DNAH14: variants seen among roughly 807,000 people sequenced by gnomAD.
The protein encoded by DNAH14 is dynein axonemal heavy chain 14.
Under a neutral mutation model 520.9 loss-of-function variants are expected in DNAH14, and 478 were observed. The observed-to-expected ratio is 0.92, with a 90% confidence interval of 0.85 to 0.99. DNAH14 has a LOEUF of 0.99. Among genes scored for constraint, DNAH14 ranks in the 50% least tolerant of loss-of-function variants. DNAH14 has a pLI of 0.00. For missense variants in DNAH14, 4,831 were observed against 5,234.5 expected (o/e 0.92, Z 2.38); for synonymous variants, 1,581 against 1,757.2 (o/e 0.90, Z 2.51).
rs895015930 is a variant in DNAH14 at position 225,044,046 on chromosome 1, A to G, written c.1912+63A>G. Reference sequence around the variant, plus strand: ...CTTTGGCAATATTTTTTTAAATTTAAGCATCTGATGCCTTTACCCAGGGAT... The same window carrying G: ...CTTTGGCAATATTTTTTTAAATTTAGGCATCTGATGCCTTTACCCAGGGAT... On this transcript the variant is annotated intron_variant, in intron 15 of 85. Coordinates refer to ENST00000682510, the MANE Select transcript of DNAH14 (RefSeq NM_001367479.1). 3 of 964,710 alleles carry G rather than the reference A, an allele frequency of 3.1e-6. No homozygotes were observed. The Admixed American group carries it at 8.4e-5, about 27-fold the overall frequency. 59.8% of individuals were successfully genotyped at this position (964,710 alleles called of 1,614,324 possible).
chr1:225,089,754 A>T (rs1048146215), intron 21 of DNAH14, among the ~76,000 whole-genome samples: 31 of 152,270 alleles, frequency 2.0e-4, no homozygotes, highest in South Asian at 6.2e-4. Flanking sequence ...ATTTTAAAAA[A>T]TTTTTTACAG....
intron 27 of DNAH14, among the ~76,000 whole-genome samples, chr1:225,129,439 A>G (rs1296266170): frequency 6.6e-6 from 1 of 150,484 alleles, no homozygotes; most frequent in Non-Finnish European, 1.5e-5. Flanking sequence ...TACAGTAACC[A>G]AAACAGCATG....
At chr1:224,966,238 T>G (rs1201830157) in intron 5 of DNAH14, among the ~76,000 whole-genome samples, 1 of 152,072 alleles carries the variant, frequency 6.6e-6, no homozygotes, top group African/African-American at 2.4e-5. Context: ...GTGAAACAGC[T>G]AAAATAATTG....
At chr1:225,177,595 A>C (rs1322181874) in intron 36 of DNAH14, among the ~76,000 whole-genome samples, 1 of 152,076 alleles carries the variant, frequency 6.6e-6, no homozygotes, top group Non-Finnish European at 1.5e-5. Context: ...TGCTGTATGC[A>C]GCCTGAAAGG....
intron 10 of DNAH14, among the ~76,000 whole-genome samples, chr1:225,015,253 TC>T (rs1349967187): frequency 6.6e-6 from 1 of 152,190 alleles, no homozygotes; most frequent in African/African-American, 2.4e-5. Flanking sequence ...ACTCAGCCAG[TC>T]CATGTCTTTT....
chr1:225,275,680 G>A (rs1341373702), intron 52 of DNAH14, among the ~76,000 whole-genome samples: 1 of 152,072 alleles, frequency 6.6e-6, no homozygotes, highest in Non-Finnish European at 1.5e-5. Context: ...GGGGTTTTTG[G>A]TAACCCTTAT....
intron 7 of DNAH14, among the ~76,000 whole-genome samples, chr1:224,972,757 G>A (rs962788258): frequency 1.3e-5 from 2 of 152,056 alleles, no homozygotes; most frequent in African/African-American, 4.8e-5. Context: ...GAGCCACCGC[G>A]CTTGGCCAAT....
chr1:225,193,541 A>G (rs1371562751), intron 38 of DNAH14, among the ~76,000 whole-genome samples: 1 of 152,054 alleles, frequency 6.6e-6, no homozygotes, highest in African/African-American at 2.4e-5. Flanking sequence ...AAGAATAAAT[A>G]TTAAAACTAA....
intron 55 of DNAH14, among the ~76,000 whole-genome samples, chr1:225,294,313 T>C (rs903272928): frequency 6.6e-6 from 1 of 152,200 alleles, no homozygotes; most frequent in African/African-American, 2.4e-5. Flanking sequence ...TATTATCTTT[T>C]TGATGTGTTG....
At chr1:224,951,768 C>T (rs956896614) in intron 1 of DNAH14, among the ~76,000 whole-genome samples, 5 of 151,552 alleles carry the variant, frequency 3.3e-5, no homozygotes, top group Non-Finnish European at 5.9e-5. Context: ...CTCCTGCCTC[C>T]GCCTCCCGAG....
At chr1:225,161,310 A>G (rs1000803726) in intron 35 of DNAH14, among the ~76,000 whole-genome samples, 2 of 152,186 alleles carry the variant, frequency 1.3e-5, no homozygotes, top group Non-Finnish European at 2.9e-5. Context: ...ACTTAACATA[A>G]TGACCGGTTC....
chr1:225,196,854 GGA>G (rs1334679748), intron 38 of DNAH14, among the ~76,000 whole-genome samples: 1 of 100,938 alleles, frequency 9.9e-6, no homozygotes, highest in Non-Finnish European at 2.0e-5. Flanking sequence ...CTTATTGATG[GGA>G]TTGGTTGTTT....
At chr1:225,175,259 G>A (rs2083185584) in intron 36 of DNAH14, among the ~76,000 whole-genome samples, 1 of 152,094 alleles carries the variant, frequency 6.6e-6, no homozygotes, top group African/African-American at 2.4e-5. Flanking sequence ...TAAAAGTTTG[G>A]TAGAATTCAG....
At chr1:225,080,254 G>A in intron 18 of DNAH14, 125 bp from the exon 19 acceptor site, 1 of 978,844 alleles carries the variant, frequency 1.0e-6, no homozygotes, top group South Asian at 2.1e-5. Flanking sequence ...GGTAATGATA[G>A]TTCCAGTTTC....
In DNAH14 at chr1:225,051,747, C is replaced by T. The variant is rs1295502142; in HGVS notation, c.2376C>T (p.His792=). Residue 792 remains histidine, a synonymous_variant, in exon 17 of 86, where the codon CAC becomes CAT. Transcript: ENST00000682510. ...LYIDNVIHMS[H]TLIQSVIEKK... ...TTGACAACGTCATACATATGAGCCACACCCTCATACAATCTGTAATTGAAA... is the reference window on the plus strand; with the variant it reads ...TTGACAACGTCATACATATGAGCCATACCCTCATACAATCTGTAATTGAAA... 6 of 1,529,030 alleles carry T rather than the reference C, an allele frequency of 3.9e-6. No individual in the cohort carries two copies. Among genetic ancestry groups the T allele is most frequent in the Non-Finnish European group, 5.3e-6 (6 of 1,139,250 alleles). The allele number at this position is 1,529,030 out of a possible 1,614,324, so 94.7% of individuals were successfully genotyped here. A position where few individuals can be genotyped will look rare whatever the true frequency, so the allele number is the denominator to read the frequency against.
intron 64 of DNAH14, among the ~76,000 whole-genome samples, chr1:225,325,111 T>C (rs1309722074): frequency 6.6e-6 from 1 of 152,004 alleles, no homozygotes; most frequent in Non-Finnish European, 1.5e-5. Flanking sequence ...CGGAAGATCT[T>C]TACAACTTCA....
intron 10 of DNAH14, among the ~76,000 whole-genome samples, chr1:225,021,507 CTG>C (rs2065690614): frequency 6.6e-6 from 1 of 152,078 alleles, no homozygotes; most frequent in African/African-American, 2.4e-5. Context: ...AACATCCAAA[CTG>C]AGAGCCAAAT....
chr1:225,208,640 C>T (rs1003798159), intron 41 of DNAH14, among the ~76,000 whole-genome samples: 1 of 152,012 alleles, frequency 6.6e-6, no homozygotes, highest in Non-Finnish European at 1.5e-5. Flanking sequence ...CCTAGGAGTT[C>T]AGAGAATTAG....
intron 81 of DNAH14, among the ~76,000 whole-genome samples, chr1:225,385,317 A>G (rs1032254610): frequency 6.6e-6 from 1 of 152,208 alleles, no homozygotes; most frequent in Admixed American, 6.5e-5. Context: ...GAAAACTGGC[A>G]CAAGACAGGG....
Sources: gnomAD v4.1 joint callset for allele counts (sites outside exome capture counted in the v4.1 genomes callset) on GRCh38, gnomAD v4.1.1 for gene constraint, MANE v1.5 for transcripts, NCBI Gene and HGNC (gene_info 2026-07-23, HGNC 2026-07-21) for gene names.